SLC35E1: variants seen among roughly 807,000 people sequenced by gnomAD.
SLC35E1 encodes solute carrier family 35 member E1.
Under a neutral mutation model 31.0 loss-of-function variants are expected in SLC35E1, and 12 were observed. The ratio of observed to expected loss-of-function variants is 0.39; its 90% confidence interval spans 0.25 to 0.63. The LOEUF is 0.63. Among genes scored for constraint, SLC35E1 ranks in the 20% least tolerant of loss-of-function variants. The probability of loss-of-function intolerance (pLI) is 0.52; values close to 1 mark genes in which losing one functional copy is unlikely to be tolerated. For synonymous variants in SLC35E1, 257 were observed against 264.1 expected, an observed-to-expected ratio of 0.97 and a Z score of 0.26; for missense variants, 429 against 572.2, an observed-to-expected ratio of 0.75 and a Z score of 2.55.
intron 4 of SLC35E1, among the ~76,000 whole-genome samples, chr19:16,562,508 C>T (rs535420526): frequency 2.6e-4 from 40 of 152,330 alleles, no homozygotes; most frequent in African/African-American, 8.7e-4. Context: ...CCATGCACAT[C>T]CTCCCATATA....
In SLC35E1 at chr19:16,551,243, G is replaced by C. The variant is rs1404395158; in HGVS notation, c.*2436C>G. The C allele has an allele frequency of 6.6e-6, 1 of 152,074 alleles. No individual in the cohort carries two copies. Among genetic ancestry groups the C allele is most frequent in the African/African-American group, 2.4e-5 (1 of 41,394 alleles). The allele number at this position is 152,074 out of a possible 1,614,324, so 9.4% of individuals were successfully genotyped here. ...TTTTACACAGCAATTGTCTCAGCTT[G>C]GGACCAAAGTATTTACAAAGCAAGC... is the stretch of plus-strand genomic sequence containing the variant. On this transcript the variant is annotated 3_prime_UTR_variant, in exon 6 of 6. Coordinates refer to ENST00000595753, the MANE Select transcript of SLC35E1 (RefSeq NM_024881.5).
chr19:16,558,447 C>T (rs921041736), intron 4 of SLC35E1, among the ~76,000 whole-genome samples: 1 of 152,140 alleles, frequency 6.6e-6, no homozygotes, highest in African/African-American at 2.4e-5. Context: ...AGCAATTCAC[C>T]TGCCTCAGCC....
chr19:16,562,008 G>A (rs190183405), intron 4 of SLC35E1, among the ~76,000 whole-genome samples: 1 of 152,022 alleles, frequency 6.6e-6, no homozygotes, highest in Non-Finnish European at 1.5e-5. Context: ...GGCAACAGTG[G>A]GAGACAGTCT....
At chr19:16,562,248 T>C (rs902971177) in intron 4 of SLC35E1, among the ~76,000 whole-genome samples, 5 of 152,136 alleles carry the variant, frequency 3.3e-5, no homozygotes, top group Non-Finnish European at 5.9e-5. Context: ...TAATGAGCTG[T>C]AACACAGAAC....
At chr19:16,561,996 T>G (rs556834926) in intron 4 of SLC35E1, among the ~76,000 whole-genome samples, 1 of 151,254 alleles carries the variant, frequency 6.6e-6, no homozygotes, top group Non-Finnish European at 1.5e-5. Context: ...AAGACCAACC[T>G]AGGCAACAGT....
At chr19:16,558,849 A>C (rs1208177388) in intron 4 of SLC35E1, among the ~76,000 whole-genome samples, 1 of 147,744 alleles carries the variant, frequency 6.8e-6, no homozygotes, top group Non-Finnish European at 1.5e-5. Context: ...GGCTCACTGC[A>C]ACCTCCGCCT....
chr19:16,550,207 C>T lies in SLC35E1; in HGVS notation c.*3472G>A, dbSNP rs1014198793. 3 of 152,174 alleles carry T rather than the reference C, an allele frequency of 2.0e-5. No individual in the cohort carries two copies. Among genetic ancestry groups the T allele is most frequent in the Admixed American group, 6.5e-5 (1 of 15,268 alleles). The allele number at this position is 152,174 out of a possible 1,614,324, so 9.4% of individuals were successfully genotyped here. Reference sequence around the variant, plus strand: ...TGGTTAAAAATTCTGCAGTGAGTCTCGCCATGGTGAACAAACATGATTCAG... The same window carrying T: ...TGGTTAAAAATTCTGCAGTGAGTCTTGCCATGGTGAACAAACATGATTCAG... On this transcript the variant is annotated 3_prime_UTR_variant, in exon 6 of 6. Transcript: ENST00000595753.
In SLC35E1 at chr19:16,553,781, G is replaced by A. The variant is rs139815009; in HGVS notation, c.1131C>T (p.His377=). 76 of 1,613,684 alleles carry A rather than the reference G, an allele frequency of 4.7e-5. No individual in the cohort carries two copies. Among genetic ancestry groups the A allele is most frequent in the African/African-American group, 1.2e-4 (9 of 74,892 alleles). Residue 377 remains histidine, a synonymous_variant, in exon 6 of 6, where the codon CAC becomes CAT. Transcript: ENST00000595753. ...TGTTGCGGCCGTACTGATAGTCCCCGTGCTGGGGGAAGAGGAGGCCGTTGT... is the reference window on the plus strand; with the variant it reads ...TGTTGCGGCCGTACTGATAGTCCCCATGCTGGGGGAAGAGGAGGCCGTTGT... ...KPHNGLLFPQ[H]GDYQYGRNNI... is the part of the protein sequence containing the mutation.
chr19:16,556,074 G>C, intron 4 of SLC35E1, among the ~76,000 whole-genome samples: 1 of 152,050 alleles, frequency 6.6e-6, no homozygotes, highest in Admixed American at 6.6e-5. Flanking sequence ...AATTGGTCGG[G>C]TGTGGTGTGG....
intron 2 of SLC35E1, among the ~76,000 whole-genome samples, chr19:16,570,316 G>T (rs180764877): frequency 6.6e-6 from 1 of 152,098 alleles, no homozygotes; most frequent in South Asian, 2.1e-4. Flanking sequence ...GCACACACAG[G>T]TCTTGCTGAG....
rs1436799368 is a variant in SLC35E1 at position 16,571,858 on chromosome 19, G to A, written c.421+86C>T. 28 of 1,372,198 alleles carry A rather than the reference G, an allele frequency of 2.0e-5. 1 individual carries two copies. In the South Asian group the frequency reaches 3.1e-4, roughly 15 times the overall value. The allele number at this position is 1,372,198 out of a possible 1,614,324, so 85.0% of individuals were successfully genotyped here. On this transcript the variant is annotated intron_variant, in intron 1 of 5. Coordinates refer to ENST00000595753, the MANE Select transcript of SLC35E1 (RefSeq NM_024881.5). ...CTGACTTCTCAGTCCGGCGGGACGC[G>A]CCCCGGGCGGCGCACTCCTATCCAT...
chr19:16,566,349 C>T (rs953807199), intron 4 of SLC35E1, 183 bp downstream of exon 4: 2 of 747,688 alleles, frequency 2.7e-6, no homozygotes, highest in Non-Finnish European at 4.2e-6. Context: ...ACACAGGAAA[C>T]CCACTTCCTC....
intron 4 of SLC35E1, among the ~76,000 whole-genome samples, chr19:16,563,368 CTG>C (rs2122339526): frequency 6.6e-6 from 1 of 152,108 alleles, no homozygotes; most frequent in Admixed American, 6.5e-5. Flanking sequence ...AAAAGCTACT[CTG>C]TGTGTAATAA....
chr19:16,557,771 G>A (rs1341915214), intron 4 of SLC35E1, among the ~76,000 whole-genome samples: 2 of 152,178 alleles, frequency 1.3e-5, no homozygotes, highest in Non-Finnish European at 2.9e-5. Context: ...TTTCATTGCT[G>A]AGTAATGCTC....
intron 5 of SLC35E1, 95 bp from the exon 6 acceptor site, chr19:16,554,004 C>T (rs931971132): frequency 4.5e-6 from 5 of 1,106,244 alleles, no homozygotes; most frequent in Non-Finnish European, 6.3e-6. Flanking sequence ...GTGGCTCACA[C>T]CTGTAATCCC....
chr19:16,568,396 C>T (rs941174064), intron 2 of SLC35E1, among the ~76,000 whole-genome samples: 8 of 152,206 alleles, frequency 5.3e-5, no homozygotes, highest in African/African-American at 1.7e-4. Context: ...ATCCCCATAC[C>T]GTCACCCCCA....
intron 4 of SLC35E1, among the ~76,000 whole-genome samples, chr19:16,556,409 T>C (rs894490816): frequency 6.6e-6 from 1 of 151,392 alleles, no homozygotes; most frequent in Non-Finnish European, 1.5e-5. Flanking sequence ...CCTGGGAGGC[T>C]GAGGTGGGAG....
intron 4 of SLC35E1, among the ~76,000 whole-genome samples, chr19:16,557,692 C>T (rs968691785): frequency 1.3e-5 from 2 of 152,246 alleles, no homozygotes; most frequent in African/African-American, 4.8e-5. Context: ...CCTTTGGAGA[C>T]AGGCTGCTTT....
At chr19:16,570,752 C>T (rs1472193225) in intron 2 of SLC35E1, among the ~76,000 whole-genome samples, 1 of 152,148 alleles carries the variant, frequency 6.6e-6, no homozygotes, top group Admixed American at 6.6e-5. Flanking sequence ...CTCCTTGGAT[C>T]GCGTCTGGCT....
Sources: gnomAD v4.1 joint callset for allele counts (sites outside exome capture counted in the v4.1 genomes callset) on GRCh38, gnomAD v4.1.1 for gene constraint, MANE v1.5 for transcripts, NCBI Gene and HGNC (gene_info 2026-07-23, HGNC 2026-07-21) for gene names.